The following SENP7 variants were observed in gnomAD, a reference collection of about 807,000 sequenced individuals.
The protein encoded by SENP7 is SUMO specific peptidase 7.
In SENP7, 64 loss-of-function variants were observed where a neutral mutation model predicts 141.2. The observed-to-expected ratio is 0.45, with a 90% CI of 0.37 to 0.56. SENP7 has a LOEUF of 0.56. SENP7 is among the 20% of genes least tolerant of loss of function. The pLI is 0.00. For missense variants in SENP7, 1,025 were observed against 1,212.2 expected (o/e 0.85, Z 2.29); for synonymous variants, 382 against 426.4 (o/e 0.90, Z 1.28).
chr3:101,369,454 G>A (rs2060122978), intron 7 of SENP7, among the ~76,000 whole-genome samples: 1 of 152,150 alleles, frequency 6.6e-6, no homozygotes, highest in Non-Finnish European at 1.5e-5. Flanking sequence ...ACTGGAACAG[G>A]ATTGAGGGTA....
chr3:101,404,488 C>T (rs2061241902), intron 5 of SENP7, among the ~76,000 whole-genome samples: 1 of 152,084 alleles, frequency 6.6e-6, no homozygotes, highest in African/African-American at 2.4e-5. Flanking sequence ...TTAGGCAATA[C>T]CATGCAGGAC....
At chr3:101,436,834 G>A (rs1216653483) in intron 4 of SENP7, among the ~76,000 whole-genome samples, 1 of 152,228 alleles carries the variant, frequency 6.6e-6, no homozygotes, top group African/African-American at 2.4e-5. Context: ...AGGTGGGAAT[G>A]TAAATTAATA....
chr3:101,494,469 A>G (rs2065086178), intron 2 of SENP7, among the ~76,000 whole-genome samples: 1 of 152,006 alleles, frequency 6.6e-6, no homozygotes, highest in African/African-American at 2.4e-5. Flanking sequence ...ACCTTTGCAT[A>G]TACTCTTCCC....
intron 3 of SENP7, among the ~76,000 whole-genome samples, chr3:101,471,215 C>A (rs890974045): frequency 6.6e-6 from 1 of 152,148 alleles, no homozygotes; most frequent in African/African-American, 2.4e-5. Flanking sequence ...GCAAAAAGAA[C>A]AAAGCTGGAG....
At chr3:101,437,852 T>C (rs960413352) in intron 4 of SENP7, among the ~76,000 whole-genome samples, 2 of 152,038 alleles carry the variant, frequency 1.3e-5, no homozygotes, top group African/African-American at 4.8e-5. Flanking sequence ...CTTAGTATCA[T>C]TTATAAATAG....
chr3:101,413,324 G>A (rs1045096360), intron 5 of SENP7, among the ~76,000 whole-genome samples: 1 of 152,074 alleles, frequency 6.6e-6, no homozygotes, highest in Non-Finnish European at 1.5e-5. Flanking sequence ...TCTATCCAAA[G>A]CCATACACAA....
chr3:101,414,616 T>C (rs1559790071), intron 5 of SENP7: 1 of 1,589,844 alleles, frequency 6.3e-7, no homozygotes, highest in Non-Finnish European at 8.6e-7. Flanking sequence ...GGAAGCTCTC[T>C]TAGCCATTGG....
intron 5 of SENP7, among the ~76,000 whole-genome samples, chr3:101,411,600 A>T (rs1405013572): frequency 6.6e-6 from 1 of 152,180 alleles, no homozygotes; most frequent in African/African-American, 2.4e-5. Flanking sequence ...CTTTTGCAGT[A>T]CAGGTTTATA....
chr3:101,495,998 C>T (rs2065144728), intron 2 of SENP7, among the ~76,000 whole-genome samples: 1 of 152,098 alleles, frequency 6.6e-6, no homozygotes, highest in Admixed American at 6.5e-5. Flanking sequence ...CTGACCAATG[C>T]TTTAATAAAT....
Position 101,469,754 on chromosome 3 carries a change from G to A in SENP7, c.187-10702C>T, listed in dbSNP as rs1312529870. Reference sequence around the variant, plus strand: ...CAGGAGAATGGCGTGAACCTGGGAAGCGGAGCTTGCAGTGAGCCGAGATTG... The same window carrying A: ...CAGGAGAATGGCGTGAACCTGGGAAACGGAGCTTGCAGTGAGCCGAGATTG... On this transcript the variant is annotated intron_variant, in intron 3 of 23. Transcript: ENST00000394095. 1.9e-4 allele frequency among the ~76,000 whole-genome samples: 19 copies of A among 102,034 alleles called. 5 individuals are homozygous for A. The Admixed American group carries it at 2.2e-3, about 12-fold the overall frequency. The allele number at this position is 102,034 out of a possible 152,430, so 66.9% of individuals were successfully genotyped here.
At chr3:101,440,396 C>T (rs2062618071) in intron 4 of SENP7, among the ~76,000 whole-genome samples, 2 of 98,810 alleles carry the variant, frequency 2.0e-5, no homozygotes, top group Non-Finnish European at 4.0e-5. Context: ...GAGTCATCAC[C>T]AATCCCTAAT....
At chr3:101,511,715 G>A (rs1384184964) in intron 1 of SENP7, among the ~76,000 whole-genome samples, 6 of 152,206 alleles carry the variant, frequency 3.9e-5, no homozygotes, top group African/African-American at 1.4e-4. Flanking sequence ...TGTCCCCAGA[G>A]ATCCATAATC....
rs555475319 is a variant in SENP7 at position 101,451,861 on chromosome 3, A to G, written c.284+7094T>C. Among the ~76,000 whole-genome samples the G allele has an allele frequency of 5.3e-5, 8 of 152,342 alleles. 1 individual carries two copies. The highest frequency in any genetic ancestry group is 1.9e-4 in the African/African-American group (8 of 41,576). On this transcript the variant is annotated intron_variant, in intron 4 of 23. Coordinates refer to ENST00000394095, the MANE Select transcript of SENP7 (RefSeq NM_020654.5). ...CAACATTGTGTTGGAAGTTCTGGCC[A>G]GGGCAATCAGGCAAGAGAAGGAAAT...
Position 101,418,321 on chromosome 3 carries a change from C to CA in SENP7, c.285-532dup, listed in dbSNP as rs75626706. ...TACCTTACTGTACCTATACCAATTT[C>CA]AAAAAAAAAAAAAGACTGACAAATG... is the stretch of plus-strand genomic sequence containing the variant. On this transcript the variant is annotated intron_variant, in intron 4 of 23. Transcript: ENST00000394095. Among the ~76,000 whole-genome samples, 856 of 139,492 alleles carry CA rather than the reference C, an allele frequency of 6.1e-3. 1 individual carries two copies. Among genetic ancestry groups the CA allele is most frequent in the East Asian group, 0.017 (83 of 4,828 alleles). 91.5% of individuals were successfully genotyped at this position (139,492 alleles called of 152,430 possible).
intron 3 of SENP7, among the ~76,000 whole-genome samples, chr3:101,479,049 C>A (rs1437775919): frequency 1.3e-5 from 2 of 152,018 alleles, no homozygotes; most frequent in Non-Finnish European, 2.9e-5. Context: ...AAAGAACATA[C>A]CTCAGCAGGA....
At chr3:101,466,156 T>C (rs1186907290) in intron 3 of SENP7, among the ~76,000 whole-genome samples, 2 of 152,040 alleles carry the variant, frequency 1.3e-5, no homozygotes, top group African/African-American at 4.8e-5. Context: ...GACCAAATAT[T>C]CAAATTATGG....
chr3:101,504,992 G>A (rs4350900), intron 1 of SENP7, among the ~76,000 whole-genome samples: 60,323 of 151,892 alleles, frequency 0.4, 12,499 homozygotes, highest in Admixed American at 0.54. Context: ...TTGAGCCCAG[G>A]AGGTCGAGGC....
intron 4 of SENP7, among the ~76,000 whole-genome samples, chr3:101,419,998 G>C (rs901992696): frequency 6.6e-6 from 1 of 152,158 alleles, no homozygotes; most frequent in Non-Finnish European, 1.5e-5. Context: ...CAAATTTCTT[G>C]CCAGCACTCT....
chr3:101,451,996 A>T (rs1045994239), intron 4 of SENP7, among the ~76,000 whole-genome samples: 15 of 152,248 alleles, frequency 9.9e-5, no homozygotes, highest in Admixed American at 9.8e-4. Context: ...CCTTAAGCTG[A>T]TAGGCAACTT....
Sources: allele counts gnomAD v4.1 joint callset (sites outside exome capture counted in the v4.1 genomes callset), GRCh38; gene constraint gnomAD v4.1.1; transcripts MANE v1.5; gene names NCBI Gene and HGNC (gene_info 2026-07-23, HGNC 2026-07-21).